Variants in ANKS1B observed in about 807,000 individuals in gnomAD.
The protein encoded by ANKS1B is ankyrin repeat and sterile alpha motif domain containing 1B.
Under a neutral mutation model 148.3 loss-of-function variants are expected in ANKS1B, and 36 were observed. The observed-to-expected ratio is 0.24, with a 90% CI of 0.19 to 0.32. The LOEUF (loss-of-function observed/expected upper bound fraction) is 0.32. Ranked by LOEUF, ANKS1B falls within the 10% of genes least tolerant of loss-of-function variation. The pLI, the probability that ANKS1B is intolerant of heterozygous loss-of-function variation, is 1.00. For synonymous variants in ANKS1B, 542 were observed against 560.8 expected (o/e 0.97, Z 0.47); for missense variants, 1,157 against 1,542.6 (o/e 0.75, Z 4.19).
chr12:98,751,496 G>A lies in ANKS1B; in HGVS notation c.3606C>T (p.Thr1202=), dbSNP rs2098088640. 1 of 1,613,846 alleles carries A rather than the reference G, an allele frequency of 6.2e-7. No individual in the cohort carries two copies. The stretch of plus-strand genomic sequence containing the variant: ...AAGCGACTTCGAATGCCTGTCCCAG[G>A]GTTAGGATGATTTCATAGGCTAAAT... ...DVNLAYEIIL[T]LGQAFEVAYQ... is the part of the protein sequence containing the mutation. Residue 1202 remains threonine (T), a synonymous_variant, in exon 26 of 27, where the codon ACC becomes ACT. Coordinates refer to ENST00000683438, the MANE Select transcript of ANKS1B (RefSeq NM_001352186.2). The surrounding 1 kb of genome is among the most constrained non-coding windows in gnomAD (Gnocchi z 4.3).
At chr12:99,295,426 C>A (rs571680410) in intron 12 of ANKS1B, among the ~76,000 whole-genome samples, 1 of 152,090 alleles carries the variant, frequency 6.6e-6, no homozygotes, top group Non-Finnish European at 1.5e-5. Context: ...CTGGATTTGA[C>A]AGTTCTTCAC....
chr12:99,359,008 T>C (rs934558647), intron 12 of ANKS1B, among the ~76,000 whole-genome samples: 4 of 152,104 alleles, frequency 2.6e-5, no homozygotes, highest in African/African-American at 9.7e-5. Flanking sequence ...CTAAAGTGTG[T>C]GAGATATAAA....
chr12:99,260,692 G>A (rs750948902), intron 12 of ANKS1B, among the ~76,000 whole-genome samples: 6 of 152,136 alleles, frequency 3.9e-5, no homozygotes, highest in African/African-American at 1.2e-4. Flanking sequence ...TCAACTCTGC[G>A]AGTGTTTCCA....
chr12:99,053,073 T>G (rs2099967322), intron 17 of ANKS1B, 84 bp downstream of exon 17: 1 of 1,238,730 alleles, frequency 8.1e-7, no homozygotes, highest in African/African-American at 1.5e-5. Flanking sequence ...CCCCATTGGA[T>G]GTCCAAACAC....
chr12:99,511,973 T>C (rs138306001), intron 9 of ANKS1B, among the ~76,000 whole-genome samples: 1 of 152,076 alleles, frequency 6.6e-6, no homozygotes, highest in Non-Finnish European at 1.5e-5. Flanking sequence ...GAAGAAAATC[T>C]AGGCAATACC....
intron 25 of ANKS1B, among the ~76,000 whole-genome samples, chr12:98,759,430 G>A (rs2098345412): frequency 6.6e-6 from 1 of 152,170 alleles, no homozygotes. Context: ...CTCATGGAGA[G>A]ACAAAGAGAT....
At chr12:99,888,433 G>C (rs1603438166) in intron 1 of ANKS1B, among the ~76,000 whole-genome samples, 1 of 152,048 alleles carries the variant, frequency 6.6e-6, no homozygotes. Context: ...AAACAAAAAG[G>C]GTTCTTCCTC....
intron 9 of ANKS1B, among the ~76,000 whole-genome samples, chr12:99,513,271 C>G (rs1408491904): frequency 6.6e-6 from 1 of 151,948 alleles, no homozygotes; most frequent in African/African-American, 2.4e-5. Context: ...TCATAAACTA[C>G]AGTATAGTGT....
At chr12:98,927,066 C>T (rs1214217702) in intron 17 of ANKS1B, among the ~76,000 whole-genome samples, 3 of 152,104 alleles carry the variant, frequency 2.0e-5, no homozygotes, top group Non-Finnish European at 4.4e-5. Context: ...TACTTTACTA[C>T]ATTACAGCCA....
At chr12:99,249,894 G>C (rs1040111933) in intron 12 of ANKS1B, among the ~76,000 whole-genome samples, 3 of 152,256 alleles carry the variant, frequency 2.0e-5, no homozygotes, top group Non-Finnish European at 2.9e-5. Context: ...CCTGCTGGAT[G>C]ATGAGGTGAC....
chr12:98,939,044 C>G (rs1295251396), intron 17 of ANKS1B, among the ~76,000 whole-genome samples: 1 of 152,144 alleles, frequency 6.6e-6, no homozygotes, highest in Non-Finnish European at 1.5e-5. Context: ...TCTTTTTCAC[C>G]TTGAGACTGT....
intron 17 of ANKS1B, among the ~76,000 whole-genome samples, chr12:98,992,127 TA>T (rs2099926956): frequency 1.3e-5 from 2 of 152,296 alleles, no homozygotes; most frequent in South Asian, 4.1e-4. Context: ...CCCACCTCTC[TA>T]AACTTATCTT....
intron 14 of ANKS1B, among the ~76,000 whole-genome samples, chr12:99,174,382 C>T (rs971759300): frequency 4.6e-5 from 7 of 152,110 alleles, no homozygotes; most frequent in Non-Finnish European, 7.3e-5. Context: ...ACAGAAATTG[C>T]GAGATTATAA....
chr12:99,624,535 A>C (rs2098090140), intron 9 of ANKS1B, among the ~76,000 whole-genome samples: 1 of 152,052 alleles, frequency 6.6e-6, no homozygotes, highest in Non-Finnish European at 1.5e-5. Flanking sequence ...ATCTATAAGG[A>C]ACTTAAATCA....
chr12:99,014,767 A>G (rs1003706166), intron 17 of ANKS1B, among the ~76,000 whole-genome samples: 1 of 152,224 alleles, frequency 6.6e-6, no homozygotes, highest in Non-Finnish European at 1.5e-5. Flanking sequence ...AATCACATGA[A>G]AAAAGCTCAA....
intron 25 of ANKS1B, among the ~76,000 whole-genome samples, chr12:98,756,262 T>G (rs2098239322): frequency 6.6e-6 from 1 of 152,234 alleles, no homozygotes; most frequent in African/African-American, 2.4e-5. Context: ...AGTGAATAAG[T>G]CTCACAAGAT....
intron 12 of ANKS1B, among the ~76,000 whole-genome samples, chr12:99,297,742 C>T (rs1478437626): frequency 2.0e-5 from 3 of 152,062 alleles, no homozygotes; most frequent in Admixed American, 2.0e-4. Flanking sequence ...CCAAGTGACT[C>T]ACAGGCAACT....
At chr12:99,680,810 C>T (rs147032905) in intron 8 of ANKS1B, among the ~76,000 whole-genome samples, 29 of 152,156 alleles carry the variant, frequency 1.9e-4, no homozygotes, top group South Asian at 6.2e-4. Flanking sequence ...ATTGGAGGGG[C>T]GTGGTAAGAG....
At chr12:99,093,036 A>G (rs1259301702) in intron 15 of ANKS1B, among the ~76,000 whole-genome samples, 1 of 152,146 alleles carries the variant, frequency 6.6e-6, no homozygotes, top group Non-Finnish European at 1.5e-5. Context: ...CACTACATAA[A>G]AAGAACCAAA....
Sources: allele counts gnomAD v4.1 joint callset (sites outside exome capture counted in the v4.1 genomes callset), GRCh38; gene constraint gnomAD v4.1.1; non-coding constraint Gnocchi (gnomAD v3.1); transcripts MANE v1.5; gene names NCBI Gene and HGNC (gene_info 2026-07-23, HGNC 2026-07-21).